Variants in WNT4 observed in about 807,000 individuals in gnomAD.
The protein encoded by WNT4 is protein Wnt-4.
WNT4 carries 16 observed loss-of-function variants against 34.5 expected under a neutral mutation model. That is an observed-to-expected ratio of 0.46 (90% CI 0.31 to 0.70). The LOEUF (loss-of-function observed/expected upper bound fraction) is 0.70. Among genes scored for constraint, WNT4 ranks in the 30% least tolerant of loss-of-function variants. The probability of loss-of-function intolerance (pLI) is 0.04; values close to 1 mark genes in which losing one functional copy is unlikely to be tolerated. For missense variants in WNT4, 379 were observed against 495.9 expected, an observed-to-expected ratio of 0.76 and a Z score of 2.24; for synonymous variants, 200 against 211.9, an observed-to-expected ratio of 0.94 and a Z score of 0.49.
rs944640273 is a variant in WNT4 at position 22,137,692 on chromosome 1, G to A, written c.77+5154C>T. ...TCAAACCATAGCAGACAGCTGGGTC[G>A]TGACTGCTGCCTGAGCAACCCCCTC... On this transcript the variant is annotated intron_variant, in intron 1 of 4. Transcript: ENST00000290167. The surrounding 1 kb of genome is among the most constrained non-coding windows in gnomAD (Gnocchi z 5.3). 6.6e-6 allele frequency among the ~76,000 whole-genome samples: 1 copy of A among 152,248 alleles called. No individual in the cohort carries two copies. Among genetic ancestry groups the A allele is most frequent in the African/African-American group, 2.4e-5 (1 of 41,472 alleles).
chr1:22,121,440 C>T lies in WNT4; in HGVS notation c.445+5G>A, dbSNP rs1364466130. 1.9e-6 allele frequency: 3 copies of T among 1,613,876 alleles called. No homozygotes were observed. The highest frequency in any genetic ancestry group is 2.7e-5 in the African/African-American group (2 of 74,936). On this transcript the variant is annotated splice_donor_5th_base_variant and intron_variant, in intron 3 of 4. Transcript: ENST00000290167. ...CCTCCCACTCTGACCACCTCCTGCA[C>T]CTACCCTGTGGGCTGACCCCATGCA...
chr1:22,128,086 G>C (rs972518244), intron 2 of WNT4, among the ~76,000 whole-genome samples: 38 of 152,238 alleles, frequency 2.5e-4, no homozygotes, highest in African/African-American at 8.9e-4. Flanking sequence ...TCCACTGCCA[G>C]GCTGCTCACT....
chr1:22,120,847 C>T (rs1557922698), intron 4 of WNT4, among the ~76,000 whole-genome samples: 2 of 152,046 alleles, frequency 1.3e-5, no homozygotes, highest in Non-Finnish European at 2.9e-5. Flanking sequence ...GAGTAGGCAT[C>T]CAGAAGGCAG....
At chr1:22,126,703 G>A (rs1004160851) in intron 2 of WNT4, among the ~76,000 whole-genome samples, 1 of 152,256 alleles carries the variant, frequency 6.6e-6, no homozygotes, top group Admixed American at 6.5e-5. Context: ...CATGCCCCCA[G>A]TCCTGAGAGC....
At position 22,119,601 on chromosome 1, in the gene WNT4, G is replaced by A. The variant is rs1423408857; in HGVS notation, c.*449C>T. 8 of 235,308 alleles carry A rather than the reference G, an allele frequency of 3.4e-5. No individual in the cohort carries two copies. Among genetic ancestry groups the A allele is most frequent in the Non-Finnish European group, 6.5e-5 (8 of 123,650 alleles). 14.6% of individuals were successfully genotyped at this position (235,308 alleles called of 1,614,324 possible). ...CAGGAGTCCATGTGTATGTGTGCTGGAGAGTTAAGAGTTCTTTTTTCCAGA... is the reference window on the plus strand; with the variant it reads ...CAGGAGTCCATGTGTATGTGTGCTGAAGAGTTAAGAGTTCTTTTTTCCAGA... On this transcript the variant is annotated 3_prime_UTR_variant, in exon 5 of 5. Coordinates refer to ENST00000290167, the MANE Select transcript of WNT4 (RefSeq NM_030761.5).
At chr1:22,138,891 A>G (rs1570117083) in intron 1 of WNT4, among the ~76,000 whole-genome samples, 2 of 152,200 alleles carry the variant, frequency 1.3e-5, no homozygotes, top group Admixed American at 1.3e-4. Context: ...CCGGGCAAGC[A>G]GGCTCAGGGG....
chr1:22,121,156 G>A, intron 4 of WNT4, 55 bp downstream of exon 4: 1 of 1,609,902 alleles, frequency 6.2e-7, no homozygotes, highest in Non-Finnish European at 8.5e-7. Flanking sequence ...GAGAGTCTGG[G>A]GCCCTGCCCA....
chr1:22,120,606 G>A lies in WNT4; in HGVS notation c.589-89C>T, dbSNP rs140563121. 3.5e-5 allele frequency: 47 copies of A among 1,358,078 alleles called. No homozygotes were observed. In the East Asian group the frequency reaches 1.1e-3, roughly 33 times the overall value. The allele number at this position is 1,358,078 out of a possible 1,614,324, so 84.1% of individuals were successfully genotyped here. A position where few individuals can be genotyped will look rare whatever the true frequency, so the allele number is the denominator to read the frequency against. ...CGGAGGCTGACAGCCGAGCATCGGG[G>A]TCCCTGGGGCTGACGCTGCAGTCAG... On this transcript the variant is annotated intron_variant, in intron 4 of 4. Coordinates refer to ENST00000290167, the MANE Select transcript of WNT4 (RefSeq NM_030761.5).
chr1:22,136,658 G>A (rs151084779), intron 1 of WNT4, among the ~76,000 whole-genome samples: 332 of 152,176 alleles, frequency 2.2e-3, no homozygotes, highest in Middle Eastern at 6.8e-3. Flanking sequence ...AGCGGCTGCG[G>A]GAACAGCTCT....
intron 4 of WNT4, 99 bp from the exon 5 acceptor site, chr1:22,120,616 C>A: frequency 8.1e-7 from 1 of 1,238,792 alleles, no homozygotes; most frequent in South Asian, 1.4e-5. Context: ...GTCCCTGGGG[C>A]TGACGCTGCA....
At chr1:22,136,243 A>G (rs920427730) in intron 1 of WNT4, among the ~76,000 whole-genome samples, 8 of 152,078 alleles carry the variant, frequency 5.3e-5, no homozygotes, top group Admixed American at 3.3e-4. Context: ...GGGAGTGGGT[A>G]TCAAATTTAA....
intron 1 of WNT4, among the ~76,000 whole-genome samples, chr1:22,132,630 C>A (rs190864287): frequency 1.3e-5 from 2 of 152,306 alleles, no homozygotes; most frequent in Admixed American, 6.5e-5. Flanking sequence ...TGCATCCCCC[C>A]ACCCAGGCTC....
intron 1 of WNT4, among the ~76,000 whole-genome samples, chr1:22,132,037 C>T (rs984768177): frequency 6.6e-6 from 1 of 152,188 alleles, no homozygotes; most frequent in African/African-American, 2.4e-5. Context: ...GCCAAGGGGT[C>T]GCCTGTGGAG....
chr1:22,138,408 C>T (rs1015510735), intron 1 of WNT4, among the ~76,000 whole-genome samples: 2 of 152,204 alleles, frequency 1.3e-5, no homozygotes, highest in African/African-American at 4.8e-5. Context: ...TTTTGCCCGC[C>T]CCCCAGGGGA....
At chr1:22,127,513 C>G (rs565460894) in intron 2 of WNT4, 1 of 524,406 alleles carries the variant, frequency 1.9e-6, no homozygotes, top group East Asian at 5.5e-5. Context: ...AGCCATGAAC[C>G]TTGCCTTCAA....
At chr1:22,130,335 C>T (rs1041830617) in intron 1 of WNT4, among the ~76,000 whole-genome samples, 2 of 152,240 alleles carry the variant, frequency 1.3e-5, no homozygotes, top group Non-Finnish European at 2.9e-5. Flanking sequence ...ATCCTCACTG[C>T]CAGCCACATC....
At chr1:22,129,505 G>C (rs1645965808) in intron 2 of WNT4, 111 bp downstream of exon 2, 1 of 1,304,224 alleles carries the variant, frequency 7.7e-7, no homozygotes, top group African/African-American at 1.5e-5. Flanking sequence ...TGCTGGTTTT[G>C]CTTCAGAAAT....
rs1335681303 is a variant in WNT4, at chr1:22,140,078, G to A, written c.77+2768C>T. 13 of 679,334 alleles carry A rather than the reference G, an allele frequency of 1.9e-5. No homozygotes were observed. Among genetic ancestry groups the A allele is most frequent in the Non-Finnish European group, 2.2e-5 (12 of 550,370 alleles). 42.1% of individuals were successfully genotyped at this position (679,334 alleles called of 1,614,324 possible). On this transcript the variant is annotated intron_variant, in intron 1 of 4. Transcript: ENST00000290167. The surrounding 1 kb of genome is among the most constrained non-coding windows in gnomAD (Gnocchi z 5.9). ...GAGACAACAGATAGTCCTGGCTCTC[G>A]CCACTGGCCAGCAGACCCACCCTGG...
At position 22,120,197 on chromosome 1, in the gene WNT4, G is replaced by C; in HGVS notation, c.909C>G (p.Ile303Met). 2 of 1,613,870 alleles carry C rather than the reference G, an allele frequency of 1.2e-6. No homozygotes were observed. The highest frequency in any genetic ancestry group is 1.7e-6 in the Non-Finnish European group (2 of 1,179,984). ...GRTCNKTSKA[I>M]DGCELLCCGR... ...CACAGCACAGCAGCTCACAGCCGTCGATGGCCTTGGACGTCTTGTTGCATG... is the reference window on the plus strand; with the variant it reads ...CACAGCACAGCAGCTCACAGCCGTCCATGGCCTTGGACGTCTTGTTGCATG... Residue 303 changes from isoleucine to methionine, a missense_variant, in exon 5 of 5, where the codon ATC becomes ATG. Physicochemically the swap from Ile to Met is conservative, Grantham distance 10. Transcript: ENST00000290167.
Sources: allele counts gnomAD v4.1 joint callset (sites outside exome capture counted in the v4.1 genomes callset), GRCh38; gene constraint gnomAD v4.1.1; non-coding constraint Gnocchi (gnomAD v3.1); transcripts MANE v1.5; gene names NCBI Gene and HGNC (gene_info 2026-07-23, HGNC 2026-07-21).